SYN3: variants seen among roughly 807,000 people sequenced by gnomAD.
SYN3 encodes the protein synapsin III.
A neutral mutation model predicts 65.8 loss-of-function variants in SYN3; 35 were observed. That is an observed-to-expected ratio of 0.53 (90% confidence interval 0.41 to 0.70). SYN3 has a LOEUF of 0.70. Among genes scored for constraint, SYN3 ranks in the 30% least tolerant of loss-of-function variants. SYN3 has a pLI of 0.00. For missense variants in SYN3, 680 were observed against 749.0 expected (o/e 0.91, Z 1.08); for synonymous variants, 270 against 292.9 (o/e 0.92, Z 0.80).
intron 1 of SYN3, among the ~76,000 whole-genome samples, chr22:33,029,530 T>C (rs923205407): frequency 9.2e-5 from 14 of 152,006 alleles, no homozygotes; most frequent in Non-Finnish European, 1.9e-4. Context: ...TTGTATACAA[T>C]AATTACAGCT....
At chr22:32,743,068 A>G (rs1455109017) in intron 6 of SYN3, among the ~76,000 whole-genome samples, 1 of 152,264 alleles carries the variant, frequency 6.6e-6, no homozygotes, top group Non-Finnish European at 1.5e-5. Context: ...AAAACCTTGA[A>G]GTAATTGAAG....
At chr22:32,581,462 T>G (rs2058940852) in intron 7 of SYN3, among the ~76,000 whole-genome samples, 1 of 152,178 alleles carries the variant, frequency 6.6e-6, no homozygotes, top group Admixed American at 6.5e-5. Context: ...CGTCAAGTGC[T>G]CGCCCAAGGT....
intron 9 of SYN3, 150 bp from the exon 10 acceptor site, chr22:32,534,045 A>G: frequency 1.7e-6 from 1 of 601,752 alleles, no homozygotes; most frequent in Non-Finnish European, 3.0e-6. Context: ...AGAAGCAGCA[A>G]GAGAGACAGA....
rs543425032 is a variant in SYN3, at chr22:32,514,860, C to CA, written c.1611-1037dup. ...TGAAACCCCGTCTCTACTAAAAATA[C>CA]AAAAAATTAGCCGGGTGAGGTGGCG... On this transcript the variant is annotated intron_variant, in intron 13 of 13. Coordinates refer to ENST00000358763, the MANE Select transcript of SYN3 (RefSeq NM_003490.4). 5.4e-3 allele frequency among the ~76,000 whole-genome samples: 825 copies of CA among 152,190 alleles called. 3 individuals are homozygous for CA. The highest frequency in any genetic ancestry group is 0.02 in the Middle Eastern group (6 of 294).
chr22:32,585,942 A>C (rs2059020996), intron 7 of SYN3, among the ~76,000 whole-genome samples: 1 of 37,468 alleles, frequency 2.7e-5, no homozygotes, highest in African/African-American at 6.6e-5. Flanking sequence ...GTATATGTGT[A>C]TGTATACATA....
intron 3 of SYN3, among the ~76,000 whole-genome samples, chr22:32,971,244 T>C (rs2052009923): frequency 6.6e-6 from 1 of 152,228 alleles, no homozygotes; most frequent in Non-Finnish European, 1.5e-5. Context: ...AAACACTCAC[T>C]TCTCTAATGA....
At chr22:32,978,745 T>C (rs1166761480) in intron 3 of SYN3, among the ~76,000 whole-genome samples, 1 of 152,068 alleles carries the variant, frequency 6.6e-6, no homozygotes, top group Non-Finnish European at 1.5e-5. Flanking sequence ...GCCTGGGCAA[T>C]TTATTAAGCT....
At chr22:32,921,875 C>T (rs1293183060) in intron 4 of SYN3, among the ~76,000 whole-genome samples, 4 of 152,228 alleles carry the variant, frequency 2.6e-5, no homozygotes, top group Admixed American at 6.5e-5. Flanking sequence ...TTACTGCCCA[C>T]GGTCACACAG....
At chr22:32,754,719 C>T (rs1471987622) in intron 6 of SYN3, among the ~76,000 whole-genome samples, 1 of 152,234 alleles carries the variant, frequency 6.6e-6, no homozygotes, top group Non-Finnish European at 1.5e-5. Context: ...AGTCCTACAC[C>T]TTGATGCCTT....
At chr22:33,036,678 CTTTT>C (rs133977) in intron 1 of SYN3, among the ~76,000 whole-genome samples, 7 of 99,530 alleles carry the variant, frequency 7.0e-5, no homozygotes, top group African/African-American at 1.9e-4. Flanking sequence ...AGCCCAAGTT[CTTTT>C]TTTTTTTTTT....
At chr22:32,908,120 C>G (rs956188533) in intron 4 of SYN3, among the ~76,000 whole-genome samples, 8 of 151,954 alleles carry the variant, frequency 5.3e-5, no homozygotes, top group African/African-American at 1.9e-4. Context: ...GAGTCGCACT[C>G]TGTCCTCCAG....
intron 1 of SYN3, among the ~76,000 whole-genome samples, chr22:33,034,591 G>A (rs1045416419): frequency 6.6e-5 from 10 of 152,098 alleles, no homozygotes; most frequent in African/African-American, 2.2e-4. Flanking sequence ...CTCTCCAGAC[G>A]GGGAGCATTT....
chr22:32,785,101 C>A (rs1602142044), intron 6 of SYN3: 2 of 149,280 alleles, frequency 1.3e-5, no homozygotes, highest in Non-Finnish European at 1.5e-5. Context: ...AAAAAAAGGA[C>A]AAAAAAAAAC....
chr22:32,623,549 A>G (rs1161072899), intron 6 of SYN3, among the ~76,000 whole-genome samples: 1 of 152,218 alleles, frequency 6.6e-6, no homozygotes, highest in Non-Finnish European at 1.5e-5. Flanking sequence ...CGGTCTTCCC[A>G]TAACCCCAAC....
Position 32,980,688 on chromosome 22 carries a change from T to A in SYN3, c.326A>T (p.His109Leu). 6.2e-7 allele frequency: 1 copy of A among 1,613,890 alleles called. No individual in the cohort carries two copies. The highest frequency in any genetic ancestry group is 1.1e-5 in the South Asian group (1 of 91,072). ...DAHTDWSKYF[H>L]GKKVNGEIEI... ...AATCTCTCCATTCACCTTCTTCCCA[T>A]GGAAATACTTCGACCTGTAAAGGGG... The change falls in exon 3 of 14, where the codon CAT becomes CTT. Residue 109 changes from histidine to leucine, a missense_variant. Physicochemically the swap from His to Leu is moderately conservative, Grantham distance 99. Transcript: ENST00000358763.
At chr22:32,864,452 G>GA (rs1456362132) in intron 6 of SYN3, 2 of 156,518 alleles carry the variant, frequency 1.3e-5, no homozygotes, top group East Asian at 3.8e-4. Flanking sequence ...GGTGCATTCA[G>GA]AAATTGGAAA....
intron 4 of SYN3, among the ~76,000 whole-genome samples, chr22:32,871,383 T>C (rs1013234851): frequency 1.3e-5 from 2 of 152,210 alleles, no homozygotes; most frequent in Admixed American, 1.3e-4. Context: ...ACCTTTCTGA[T>C]TCCTCAAAAT....
chr22:32,673,548 T>A (rs2060401186), intron 6 of SYN3, among the ~76,000 whole-genome samples: 1 of 152,224 alleles, frequency 6.6e-6, no homozygotes, highest in Non-Finnish European at 1.5e-5. Flanking sequence ...TCTGACATAG[T>A]GCCATGATAG....
At chr22:32,568,639 G>A (rs2058704350) in intron 7 of SYN3, among the ~76,000 whole-genome samples, 5 of 152,156 alleles carry the variant, frequency 3.3e-5, no homozygotes, top group Admixed American at 3.3e-4. Context: ...ATTTTAGAAA[G>A]ACACTAATCC....
Sources: allele counts gnomAD v4.1 joint callset (sites outside exome capture counted in the v4.1 genomes callset), GRCh38; gene constraint gnomAD v4.1.1; transcripts MANE v1.5; gene names NCBI Gene and HGNC (gene_info 2026-07-23, HGNC 2026-07-21).